GLIS3: variants seen among roughly 807,000 people sequenced by gnomAD.
GLIS3 encodes the protein zinc finger protein GLIS3.
Under a neutral mutation model 78.6 loss-of-function variants are expected in GLIS3, and 53 were observed. The observed-to-expected ratio is 0.67, with a 90% CI of 0.54 to 0.85. The LOEUF (loss-of-function observed/expected upper bound fraction) is 0.85. Among genes scored for constraint, GLIS3 ranks in the 40% least tolerant of loss-of-function variants. The pLI is 0.00. For synonymous variants in GLIS3, 684 were observed against 509.9 expected (o/e 1.34, Z -4.60); for missense variants, 1,703 against 1,231.1 (o/e 1.38, Z -5.74).
chr9:4,033,011 G>A (rs1218292777), intron 4 of GLIS3, among the ~76,000 whole-genome samples: 1 of 151,994 alleles, frequency 6.6e-6, no homozygotes, highest in Non-Finnish European at 1.5e-5. Flanking sequence ...CCGCCACCAC[G>A]CCTGGCTAAT....
chr9:4,273,382 C>T (rs1025713623), intron 2 of GLIS3, among the ~76,000 whole-genome samples: 1 of 151,984 alleles, frequency 6.6e-6, no homozygotes, highest in Admixed American at 6.6e-5. Flanking sequence ...GTCACTTAAG[C>T]CCAGGAATTC....
intron 4 of GLIS3, among the ~76,000 whole-genome samples, chr9:3,948,684 T>G (rs1292470794): frequency 6.6e-6 from 1 of 152,216 alleles, no homozygotes; most frequent in Admixed American, 6.5e-5. Context: ...TAGTTTAAAT[T>G]TGATGAGAAT....
intron 6 of GLIS3, among the ~76,000 whole-genome samples, chr9:3,913,259 T>A (rs1010930608): frequency 6.6e-6 from 1 of 152,224 alleles, no homozygotes; most frequent in Non-Finnish European, 1.5e-5. Context: ...TGGACAATTT[T>A]AAAAATACCT....
the GLIS3 span, among the ~76,000 whole-genome samples, chr9:4,365,290 C>T: frequency 3.7e-3 from 563 of 152,124 alleles, 2 homozygotes; most frequent in Non-Finnish European, 7.1e-3. Context: ...AGGCTGGGTG[C>T]GGTGGCTCAT....
intron 2 of GLIS3, among the ~76,000 whole-genome samples, chr9:4,260,216 A>C (rs1221039665): frequency 1.3e-5 from 2 of 152,140 alleles, no homozygotes; most frequent in Non-Finnish European, 2.9e-5. Context: ...GCGGATCACA[A>C]GGTCAAGAGA....
At chr9:3,992,527 T>A (rs1262801682) in intron 4 of GLIS3, among the ~76,000 whole-genome samples, 1 of 152,202 alleles carries the variant, frequency 6.6e-6, no homozygotes, top group Non-Finnish European at 1.5e-5. Flanking sequence ...AGGAGATGGT[T>A]GTTTATGAGA....
the GLIS3 span, among the ~76,000 whole-genome samples, chr9:4,468,620 G>C: frequency 2.0e-5 from 3 of 152,160 alleles, no homozygotes; most frequent in African/African-American, 7.2e-5. Flanking sequence ...TGCCTTACAA[G>C]AGCTCCTGAA....
the GLIS3 span, among the ~76,000 whole-genome samples, chr9:4,441,965 G>A: frequency 1.2e-4 from 18 of 152,248 alleles, no homozygotes; most frequent in African/African-American, 4.3e-4. Context: ...GTTGGCTTTA[G>A]AGAAAGAGTA....
the GLIS3 span, among the ~76,000 whole-genome samples, chr9:4,363,742 AATTTC>A: frequency 7.1e-3 from 1,078 of 152,266 alleles, 17 homozygotes; most frequent in African/African-American, 0.024. Flanking sequence ...TACCCATAGA[AATTTC>A]ATTTCATTTG....
Position 4,125,760 on chromosome 9 carries a change from G to C in GLIS3, c.570C>G (p.Asn190Lys). 6.2e-7 allele frequency: 1 copy of C among 1,613,856 alleles called. No homozygotes were observed. Residue 190 changes from asparagine to lysine, a missense_variant, in exon 3 of 11, where the codon AAC (asparagine) becomes AAG (lysine). Physicochemically the swap from Asn to Lys is moderately conservative, Grantham distance 94 (BLOSUM62 0). Coordinates refer to ENST00000381971, the MANE Select transcript of GLIS3 (RefSeq NM_001042413.2). ...TGGTATCTGAAGGAGGTATATTCAG[G>C]TTGGCTGCATTCATTGCCCTCTGTA... Reference protein sequence around the residue: ...PSLQRAMNAANLNIPPSDTRS... With the variant: ...PSLQRAMNAAKLNIPPSDTRS...
At chr9:4,181,092 C>A (rs1259522843) in intron 2 of GLIS3, among the ~76,000 whole-genome samples, 1 of 152,198 alleles carries the variant, frequency 6.6e-6, no homozygotes, top group East Asian at 1.9e-4. Flanking sequence ...CTAAGATGAG[C>A]AGATGCCTGG....
intron 4 of GLIS3, among the ~76,000 whole-genome samples, chr9:4,070,237 T>G (rs944768283): frequency 6.6e-6 from 1 of 152,160 alleles, no homozygotes; most frequent in African/African-American, 2.4e-5. Context: ...AGAAGTTCCA[T>G]ACAGATCCAT....
chr9:4,280,354 T>C (rs1248650405), intron 2 of GLIS3, among the ~76,000 whole-genome samples: 2 of 152,188 alleles, frequency 1.3e-5, no homozygotes, highest in Non-Finnish European at 2.9e-5. Flanking sequence ...TATATATAAA[T>C]AATACTTTGT....
chr9:4,283,886 C>T (rs1049864088), intron 2 of GLIS3, among the ~76,000 whole-genome samples: 1 of 152,164 alleles, frequency 6.6e-6, no homozygotes, highest in African/African-American at 2.4e-5. Flanking sequence ...GTCCTCTACC[C>T]CTCATTTGTG....
intron 1 of GLIS3, among the ~76,000 whole-genome samples, chr9:4,291,898 TA>T (rs1486918184): frequency 6.6e-6 from 1 of 152,156 alleles, no homozygotes; most frequent in Non-Finnish European, 1.5e-5. Flanking sequence ...TAGTAATTAT[TA>T]GAAGTGTTTC....
chr9:4,372,983 A>G, the GLIS3 span, among the ~76,000 whole-genome samples: 1 of 152,232 alleles, frequency 6.6e-6, no homozygotes, highest in Non-Finnish European at 1.5e-5. Flanking sequence ...TGGTACTAGT[A>G]GGTACTGCAC....
At chr9:4,071,723 C>G (rs1254573107) in intron 4 of GLIS3, 2 of 152,190 alleles carry the variant, frequency 1.3e-5, no homozygotes, top group Non-Finnish European at 2.9e-5. Flanking sequence ...GGACAAAACT[C>G]ACTTTTCCCT....
chr9:4,059,827 T>A (rs111295753), intron 4 of GLIS3, among the ~76,000 whole-genome samples: 1,506 of 106,442 alleles, frequency 0.014, 24 homozygotes, highest in African/African-American at 0.049. Flanking sequence ...TGTGTGTGTG[T>A]GTGAGAGAGA....
intron 4 of GLIS3, among the ~76,000 whole-genome samples, chr9:4,045,095 A>G (rs1345671202): frequency 6.6e-6 from 1 of 152,186 alleles, no homozygotes; most frequent in Non-Finnish European, 1.5e-5. Context: ...GTGGCCAGAC[A>G]ACCTAGCACC....
Sources: gnomAD v4.1 joint callset for allele counts (sites outside exome capture counted in the v4.1 genomes callset) on GRCh38, gnomAD v4.1.1 for gene constraint, MANE v1.5 for transcripts, NCBI Gene and HGNC (gene_info 2026-07-23, HGNC 2026-07-21) for gene names.